ITIH5: variants seen among roughly 807,000 people sequenced by gnomAD.
ITIH5 encodes the protein inter-alpha-trypsin inhibitor heavy chain 5.
Under a neutral mutation model 77.5 loss-of-function variants are expected in ITIH5, and 65 were observed. The observed-to-expected ratio is 0.84, with a 90% confidence interval of 0.69 to 1.03. The LOEUF is 1.03. Ranked by LOEUF, ITIH5 falls within the 50% of genes least tolerant of loss-of-function variation. The pLI, the probability that ITIH5 is intolerant of heterozygous loss-of-function variation, is 0.00. For missense variants in ITIH5, 1,208 were observed against 1,213.1 expected (o/e 1.00, Z 0.06); for synonymous variants, 525 against 494.3 (o/e 1.06, Z -0.82).
At chr10:7,648,580 G>A (rs1323150897) in intron 2 of ITIH5, among the ~76,000 whole-genome samples, 1 of 152,214 alleles carries the variant, frequency 6.6e-6, no homozygotes, top group Non-Finnish European at 1.5e-5. Context: ...ATAAGCAGAA[G>A]TTTACAGCTG....
rs183657637 is a variant in ITIH5, at chr10:7,580,709, A to G, written c.1109-645T>C. Among the ~76,000 whole-genome samples, 34 of 152,260 alleles carry G rather than the reference A, an allele frequency of 2.2e-4. No individual in the cohort carries two copies. The East Asian group carries it at 6.4e-3, about 28-fold the overall frequency. On this transcript the variant is annotated intron_variant, in intron 8 of 13. Coordinates refer to ENST00000397146, the MANE Select transcript of ITIH5 (RefSeq NM_030569.7). ...GGAATGTGGAGGGAGAAAGAGCCGCAGAGGGGAGGAGGGGCATGGAACGAA... is the reference window on the plus strand; with the variant it reads ...GGAATGTGGAGGGAGAAAGAGCCGCGGAGGGGAGGAGGGGCATGGAACGAA...
chr10:7,595,704 G>A (rs938212540), intron 7 of ITIH5, among the ~76,000 whole-genome samples: 2 of 152,142 alleles, frequency 1.3e-5, no homozygotes, highest in Non-Finnish European at 2.9e-5. Flanking sequence ...GCACAAGGCA[G>A]GACATAAATA....
In ITIH5 at chr10:7,611,913, A is replaced by ATTTTTTT. The variant is rs55973419; in HGVS notation, c.939+4062_939+4068dup. On this transcript the variant is annotated intron_variant, in intron 7 of 13. Coordinates refer to ENST00000397146, the MANE Select transcript of ITIH5 (RefSeq NM_030569.7). ...AAAATCAGTTAAATATCCACCTGCA[A>ATTTTTTT]TTTTTTTTTTTTTTTTTACATATTT... 2.2e-4 allele frequency among the ~76,000 whole-genome samples: 31 copies of ATTTTTTT among 141,540 alleles called. 1 individual carries two copies. Among genetic ancestry groups the ATTTTTTT allele is most frequent in the Non-Finnish European group, 3.0e-4 (20 of 65,862 alleles). 92.9% of individuals were successfully genotyped at this position (141,540 alleles called of 152,430 possible).
rs1460576607 is a variant in ITIH5, at chr10:7,666,921, G to T, written c.-29C>A. The T allele has an allele frequency of 5.8e-6, 9 of 1,549,140 alleles. No homozygotes were observed. Among genetic ancestry groups the T allele is most frequent in the Admixed American group, 1.8e-5 (1 of 55,870 alleles). ...GGGGCGAGGGCGCGGGACGCTCGGG[G>T]ACCCGGCGGGACACGCTTTGCAGCG... On this transcript the variant is annotated 5_prime_UTR_variant, in exon 1 of 14. Coordinates refer to ENST00000397146, the MANE Select transcript of ITIH5 (RefSeq NM_030569.7).
At chr10:7,612,092 C>T (rs745575474) in intron 7 of ITIH5, among the ~76,000 whole-genome samples, 3 of 152,036 alleles carry the variant, frequency 2.0e-5, no homozygotes, top group Non-Finnish European at 4.4e-5. Flanking sequence ...CTCTTTGCCC[C>T]AGTAATTCCA....
At chr10:7,630,209 T>C (rs1237184012) in intron 5 of ITIH5, among the ~76,000 whole-genome samples, 1 of 152,230 alleles carries the variant, frequency 6.6e-6, no homozygotes, top group Admixed American at 6.5e-5. Context: ...GATTTACTCA[T>C]TTTAAGTGTA....
At chr10:7,620,361 G>T (rs1833454403) in intron 5 of ITIH5, 1 of 152,182 alleles carries the variant, frequency 6.6e-6, no homozygotes, top group Non-Finnish European at 1.5e-5. Context: ...TGTTCTCTCT[G>T]CTTCCATCTG....
intron 7 of ITIH5, among the ~76,000 whole-genome samples, chr10:7,588,516 C>CA (rs1364247740): frequency 6.6e-6 from 1 of 152,120 alleles, no homozygotes; most frequent in African/African-American, 2.4e-5. Context: ...AAATGTGTCT[C>CA]AAAAAATAAA....
intron 7 of ITIH5, among the ~76,000 whole-genome samples, chr10:7,607,836 T>C (rs1281705344): frequency 1.3e-5 from 2 of 152,202 alleles, no homozygotes; most frequent in Non-Finnish European, 2.9e-5. Flanking sequence ...AAAAAAATCT[T>C]GTCTGCAAAA....
At chr10:7,572,083 A>G (rs1184345638) in intron 11 of ITIH5, 1 of 1,035,730 alleles carries the variant, frequency 9.7e-7, no homozygotes, top group Non-Finnish European at 1.2e-6. Flanking sequence ...GCAGCATCCA[A>G]GAGGAAGCTT....
intron 7 of ITIH5, among the ~76,000 whole-genome samples, chr10:7,597,467 T>C (rs1832927352): frequency 6.6e-6 from 1 of 152,158 alleles, no homozygotes; most frequent in Admixed American, 6.5e-5. Context: ...GTGAGGAGAA[T>C]GGAAATGTCT....
At chr10:7,625,921 G>A (rs1485460385) in intron 5 of ITIH5, among the ~76,000 whole-genome samples, 1 of 152,214 alleles carries the variant, frequency 6.6e-6, no homozygotes, top group Non-Finnish European at 1.5e-5. Flanking sequence ...GACGTCTGTA[G>A]ATTCCAGGAA....
At chr10:7,644,422 TCA>T (rs1327159396) in intron 2 of ITIH5, among the ~76,000 whole-genome samples, 1 of 145,322 alleles carries the variant, frequency 6.9e-6, no homozygotes, top group Admixed American at 7.0e-5. Flanking sequence ...ATCATATATA[TCA>T]CATATATCAT....
intron 4 of ITIH5, among the ~76,000 whole-genome samples, chr10:7,638,392 G>A (rs1191001208): frequency 6.6e-6 from 1 of 152,166 alleles, no homozygotes; most frequent in African/African-American, 2.4e-5. Context: ...AATGAAAAGA[G>A]ACTGACACCG....
chr10:7,656,517 A>G (rs1010364407), intron 1 of ITIH5, among the ~76,000 whole-genome samples: 3 of 152,006 alleles, frequency 2.0e-5, no homozygotes, highest in Non-Finnish European at 2.9e-5. Flanking sequence ...TGCCCAGCCA[A>G]AAGATTTTTT....
At chr10:7,648,702 T>C (rs1249257248) in intron 2 of ITIH5, among the ~76,000 whole-genome samples, 1 of 152,210 alleles carries the variant, frequency 6.6e-6, no homozygotes, top group Non-Finnish European at 1.5e-5. Context: ...TGAGAATATT[T>C]TTAATGTCAT....
At chr10:7,613,070 T>C (rs1833283830) in intron 7 of ITIH5, among the ~76,000 whole-genome samples, 1 of 151,852 alleles carries the variant, frequency 6.6e-6, no homozygotes, top group South Asian at 2.1e-4. Context: ...CATGGTGAAA[T>C]CCCACCTCTA....
At chr10:7,609,003 G>A (rs967189836) in intron 7 of ITIH5, among the ~76,000 whole-genome samples, 46 of 152,194 alleles carry the variant, frequency 3.0e-4, no homozygotes, top group African/African-American at 9.7e-4. Context: ...GTGGTCTACA[G>A]ACCACCACTG....
At chr10:7,625,560 T>C (rs1353347427) in intron 5 of ITIH5, among the ~76,000 whole-genome samples, 1 of 151,792 alleles carries the variant, frequency 6.6e-6, no homozygotes, top group Non-Finnish European at 1.5e-5. Flanking sequence ...ATGTCAGGAG[T>C]TCGAGATCGG....
Sources: gnomAD v4.1 joint callset for allele counts (sites outside exome capture counted in the v4.1 genomes callset) on GRCh38, gnomAD v4.1.1 for gene constraint, MANE v1.5 for transcripts, NCBI Gene and HGNC (gene_info 2026-07-23, HGNC 2026-07-21) for gene names.